AVEN: variants seen among roughly 807,000 people sequenced by gnomAD.
AVEN encodes the protein apoptosis and caspase activation inhibitor.
Under a neutral mutation model 38.1 loss-of-function variants are expected in AVEN, and 41 were observed. That is an observed-to-expected ratio of 1.08 (90% CI 0.84 to 1.40). The LOEUF is 1.40. AVEN is among the 40% of genes most tolerant of loss of function. The pLI is 0.00. For missense variants in AVEN, 605 were observed against 438.8 expected (o/e 1.38, Z -3.38); for synonymous variants, 206 against 171.8 (o/e 1.20, Z -1.56).
intron 1 of AVEN, among the ~76,000 whole-genome samples, chr15:34,004,741 T>C (rs540990236): frequency 6.6e-6 from 1 of 152,280 alleles, no homozygotes; most frequent in East Asian, 1.9e-4. Flanking sequence ...TGGTAATTGC[T>C]GAAGCTGGAT....
At chr15:34,052,476 A>C (rs1899960614) in intron 5 of AVEN, among the ~76,000 whole-genome samples, 1 of 152,362 alleles carries the variant, frequency 6.6e-6, no homozygotes, top group East Asian at 1.9e-4. Flanking sequence ...TATTCAACAT[A>C]GTATTCAAAG....
upstream of AVEN, among the ~76,000 whole-genome samples, chr15:34,044,156 C>T (rs78814772): frequency 0.017 from 2,633 of 152,112 alleles, 74 homozygotes; most frequent in African/African-American, 0.061. Context: ...CATTTCTCTA[C>T]TCCTTTTTAT....
chr15:33,998,815 C>T (rs1322852555), intron 2 of AVEN, among the ~76,000 whole-genome samples: 2 of 152,202 alleles, frequency 1.3e-5, no homozygotes, highest in South Asian at 4.1e-4. Flanking sequence ...TTGCTGGTCT[C>T]TTCTCTTTCC....
chr15:34,040,095 T>C (rs951101471), upstream of AVEN, among the ~76,000 whole-genome samples: 34 of 152,188 alleles, frequency 2.2e-4, no homozygotes, highest in African/African-American at 8.2e-4. Flanking sequence ...CCATACATAG[T>C]TAATACTTTT....
rs746896812 is a variant in AVEN at position 33,896,138 on chromosome 15, G to GT, written c.446-20144dup. 3.3e-5 allele frequency among the ~76,000 whole-genome samples: 5 copies of GT among 152,202 alleles called. No homozygotes were observed. In the East Asian group the frequency reaches 9.6e-4, roughly 29 times the overall value. On this transcript the variant is annotated intron_variant, in intron 2 of 5. Coordinates refer to ENST00000306730, the MANE Select transcript of AVEN (RefSeq NM_020371.3). The stretch of plus-strand genomic sequence containing the variant: ...TATACCCCAGAATAAAAACTACATA[G>GT]TATTTATAGGAATACAAAATTATGA...
At chr15:34,062,984 C>G (rs780619301) in exon 5 of AVEN, 4 of 1,614,208 alleles carry the variant, frequency 2.5e-6, no homozygotes, top group South Asian at 1.1e-5. Flanking sequence ...TCTACACCAC[C>G]TACATCCTCA....
intron 1 of AVEN, among the ~76,000 whole-genome samples, chr15:34,034,604 GT>G (rs1307285257): frequency 6.6e-6 from 1 of 152,100 alleles, no homozygotes; most frequent in Non-Finnish European, 1.5e-5. Flanking sequence ...ATTGTACATG[GT>G]TTCCCAAAAT....
chr15:33,873,525 ATATATAT>A (rs1424402828), intron 3 of AVEN, among the ~76,000 whole-genome samples: 2 of 147,950 alleles, frequency 1.4e-5, no homozygotes, highest in African/African-American at 2.5e-5. Flanking sequence ...TCAACATATA[ATATATAT>A]TATATATATG....
At chr15:33,860,740 C>T (rs997953661) in intron 11 of AVEN, 1 of 1,097,330 alleles carries the variant, frequency 9.1e-7, no homozygotes, top group African/African-American at 1.6e-5. Flanking sequence ...ATAGGTTTTA[C>T]TATTACTTAG....
At chr15:33,919,182 A>C (rs529231246) in intron 2 of AVEN, among the ~76,000 whole-genome samples, 1 of 152,216 alleles carries the variant, frequency 6.6e-6, no homozygotes, top group East Asian at 1.9e-4. Context: ...CGGCCTCCCA[A>C]ATTGCTGAGA....
intron 2 of AVEN, among the ~76,000 whole-genome samples, chr15:33,952,368 T>C (rs572848561): frequency 1.3e-5 from 2 of 152,292 alleles, no homozygotes; most frequent in African/African-American, 4.8e-5. Flanking sequence ...CCTAAATCTA[T>C]CCTACTTTAT....
chr15:33,926,661 A>AATT (rs1893617385), intron 2 of AVEN, among the ~76,000 whole-genome samples: 1 of 151,978 alleles, frequency 6.6e-6, no homozygotes, highest in Non-Finnish European at 1.5e-5. Context: ...AAAACTTAGA[A>AATT]ATTATTATTA....
At chr15:33,878,982 T>C (rs1188975111) in intron 2 of AVEN, among the ~76,000 whole-genome samples, 1 of 152,128 alleles carries the variant, frequency 6.6e-6, no homozygotes, top group Non-Finnish European at 1.5e-5. Flanking sequence ...TAATATATAA[T>C]TGGTACAAGA....
chr15:33,873,521 TATA>T (rs947931465), intron 3 of AVEN, among the ~76,000 whole-genome samples: 16 of 147,998 alleles, frequency 1.1e-4, no homozygotes, highest in East Asian at 5.8e-4. Context: ...ACACTCAACA[TATA>T]ATATATATTA....
At chr15:34,060,175 G>C (rs1226725789) in intron 5 of AVEN, among the ~76,000 whole-genome samples, 2 of 152,176 alleles carry the variant, frequency 1.3e-5, no homozygotes, top group Non-Finnish European at 2.9e-5. Flanking sequence ...CTTAGAATTT[G>C]CTTCAACAAC....
At chr15:33,859,066 A>T (rs2080051783) in exon 12 of AVEN, 3 of 154,226 alleles carry the variant, frequency 1.9e-5, no homozygotes, top group Non-Finnish European at 4.3e-5. Context: ...TGCCCTGCTC[A>T]GGGAGCCCGT....
At chr15:34,042,405 T>G (rs1019482026), upstream of AVEN, among the ~76,000 whole-genome samples, 2 of 149,614 alleles carry the variant, frequency 1.3e-5, no homozygotes, top group Non-Finnish European at 3.0e-5. Context: ...AGTTTTTTTT[T>G]TTTTTTTTTT....
chr15:33,917,342 A>C (rs999940532), intron 2 of AVEN, among the ~76,000 whole-genome samples: 2 of 137,710 alleles, frequency 1.5e-5, no homozygotes, highest in East Asian at 4.4e-4. Flanking sequence ...GAATGGATAA[A>C]GAAAATGTGG....
chr15:34,048,979 T>A (rs1293008061), intron 5 of AVEN, among the ~76,000 whole-genome samples: 1 of 152,184 alleles, frequency 6.6e-6, no homozygotes, highest in Non-Finnish European at 1.5e-5. Flanking sequence ...GTTGTCTGAC[T>A]GTTAAAAGAA....
Sources: allele counts gnomAD v4.1 joint callset (sites outside exome capture counted in the v4.1 genomes callset), GRCh38; gene constraint gnomAD v4.1.1; transcripts MANE v1.5; gene names NCBI Gene and HGNC (gene_info 2026-07-23, HGNC 2026-07-21).